Variants in LIMA1 observed in about 807,000 individuals in gnomAD.
LIMA1 encodes the protein LIM domain and actin-binding protein 1.
Under a neutral mutation model 62.6 loss-of-function variants are expected in LIMA1, and 52 were observed. The ratio of observed to expected loss-of-function variants is 0.83; its 90% CI spans 0.67 to 1.05. The LOEUF (loss-of-function observed/expected upper bound fraction) is 1.05. Ranked by LOEUF, LIMA1 falls within the 50% of genes least tolerant of loss-of-function variation. LIMA1 has a pLI of 0.00. For missense variants in LIMA1, 780 were observed against 902.2 expected, an observed-to-expected ratio of 0.86 and a Z score of 1.74; for synonymous variants, 302 against 317.8, an observed-to-expected ratio of 0.95 and a Z score of 0.53.
At chr12:50,230,781 G>A (rs190857381) in intron 3 of LIMA1, among the ~76,000 whole-genome samples, 2 of 152,038 alleles carry the variant, frequency 1.3e-5, no homozygotes, top group East Asian at 3.9e-4. Context: ...GTTTCACCGT[G>A]TTAGCCAGGA....
At chr12:50,253,758 G>A (rs1941958883) in intron 1 of LIMA1, among the ~76,000 whole-genome samples, 1 of 152,292 alleles carries the variant, frequency 6.6e-6, no homozygotes, top group African/African-American at 2.4e-5. Flanking sequence ...CAGCATGGTG[G>A]CTCACGCCTG....
At chr12:50,217,895 A>C (rs1410945860) in intron 4 of LIMA1, 1 of 161,350 alleles carries the variant, frequency 6.2e-6, no homozygotes, top group Non-Finnish European at 1.3e-5. Flanking sequence ...TCAAGTGATG[A>C]ATTTCTTTTC....
At chr12:50,219,483 T>C (rs901870553) in intron 4 of LIMA1, 2 of 152,056 alleles carry the variant, frequency 1.3e-5, no homozygotes, top group Non-Finnish European at 2.9e-5. Context: ...AGATTCTGTC[T>C]CAAAAATAAA....
chr12:50,193,635 T>TATATATATATACATATATATAC (rs1940852246), intron 8 of LIMA1, among the ~76,000 whole-genome samples: 1 of 77,302 alleles, frequency 1.3e-5, no homozygotes, highest in Admixed American at 1.2e-4. Context: ...TATATACGTG[T>TATATATATATACATATATATAC]GTGTGTGTGT....
chr12:50,234,160 G>A (rs1293134107), intron 2 of LIMA1: 1 of 456,334 alleles, frequency 2.2e-6, no homozygotes, highest in East Asian at 7.0e-5. Flanking sequence ...AAGTGGTCCG[G>A]AGATTTGTGC....
chr12:50,265,758 A>G (rs1352380632), intron 1 of LIMA1, among the ~76,000 whole-genome samples: 1 of 152,178 alleles, frequency 6.6e-6, no homozygotes, highest in Admixed American at 6.5e-5. Context: ...TATAAAAAGG[A>G]TAAGTCCAAA....
intron 3 of LIMA1, chr12:50,224,172 C>T (rs952855471): frequency 7.9e-5 from 12 of 152,206 alleles, no homozygotes; most frequent in African/African-American, 2.7e-4. Context: ...GTCTGTGACT[C>T]ACCAGTCTTT....
intron 2 of LIMA1, among the ~76,000 whole-genome samples, chr12:50,235,348 G>A (rs969914553): frequency 4.2e-5 from 6 of 143,230 alleles, no homozygotes; most frequent in African/African-American, 7.9e-5. Context: ...GTGTAATCTC[G>A]GCTCACTGCA....
intron 1 of LIMA1, among the ~76,000 whole-genome samples, chr12:50,261,040 A>ATTTTTTTTTT (rs1394809506): frequency 3.1e-4 from 15 of 48,912 alleles, no homozygotes; most frequent in Non-Finnish European, 4.7e-4. Context: ...GCCATCTAGT[A>ATTTTTTTTTT]TATTTTTTTT....
chr12:50,202,304 T>C (rs1941067693), intron 6 of LIMA1, among the ~76,000 whole-genome samples: 1 of 152,180 alleles, frequency 6.6e-6, no homozygotes, highest in African/African-American at 2.4e-5. Context: ...AGACAAAATG[T>C]ACTTTTTACA....
chr12:50,202,490 G>A (rs1299864085), intron 6 of LIMA1, among the ~76,000 whole-genome samples: 5 of 152,176 alleles, frequency 3.3e-5, no homozygotes, highest in African/African-American at 1.2e-4. Context: ...CTGGTAACAA[G>A]AGGAAGTTCA....
At chr12:50,193,646 GTGTGTA>G (rs1214394146) in intron 8 of LIMA1, among the ~76,000 whole-genome samples, 4 of 81,746 alleles carry the variant, frequency 4.9e-5, no homozygotes, top group African/African-American at 2.5e-4. Context: ...GTGTGTGTGT[GTGTGTA>G]TATATATATA....
At chr12:50,191,712 C>T (rs1592502389) in intron 9 of LIMA1, among the ~76,000 whole-genome samples, 1 of 152,078 alleles carries the variant, frequency 6.6e-6, no homozygotes, top group East Asian at 1.9e-4. Context: ...GTCCCAGCTA[C>T]TCGGGAGGCC....
At chr12:50,227,207 G>A (rs1030883029) in intron 3 of LIMA1, among the ~76,000 whole-genome samples, 2 of 150,212 alleles carry the variant, frequency 1.3e-5, no homozygotes, top group African/African-American at 4.9e-5. Context: ...TCTTGATTAA[G>A]GTTGAAGTCT....
chr12:50,178,362 CAT>C (rs934720819), intron 10 of LIMA1, among the ~76,000 whole-genome samples: 2 of 152,000 alleles, frequency 1.3e-5, no homozygotes, highest in African/African-American at 4.8e-5. Context: ...GCCCGGCCAA[CAT>C]AGTGAGAATT....
At chr12:50,275,108 G>A (rs1942260532) in intron 1 of LIMA1, among the ~76,000 whole-genome samples, 1 of 152,042 alleles carries the variant, frequency 6.6e-6, no homozygotes, top group African/African-American at 2.4e-5. Flanking sequence ...TATAATCCCA[G>A]CACTTTGGGA....
intron 10 of LIMA1, among the ~76,000 whole-genome samples, chr12:50,178,988 C>A (rs12579425): frequency 3.4e-5 from 4 of 118,818 alleles, no homozygotes; most frequent in African/African-American, 1.2e-4. Flanking sequence ...TTTTTCTTTT[C>A]TTTTTTTGAG....
At chr12:50,190,485 G>T (rs928960956) in intron 9 of LIMA1, among the ~76,000 whole-genome samples, 1 of 148,958 alleles carries the variant, frequency 6.7e-6, no homozygotes, top group African/African-American at 2.5e-5. Context: ...CTCCTGCCTC[G>T]GCTTCCCAAG....
At chr12:50,212,877 T>A (rs1450782367) in intron 4 of LIMA1, among the ~76,000 whole-genome samples, 3 of 152,182 alleles carry the variant, frequency 2.0e-5, no homozygotes, top group Non-Finnish European at 4.4e-5. Context: ...TGCAGTGGTA[T>A]GATCTCAGCT....
Sources: gnomAD v4.1 joint callset for allele counts (sites outside exome capture counted in the v4.1 genomes callset) on GRCh38, gnomAD v4.1.1 for gene constraint, MANE v1.5 for transcripts, NCBI Gene and HGNC (gene_info 2026-07-23, HGNC 2026-07-21) for gene names.